The following GRIN2A variants were observed in gnomAD, a reference collection of about 807,000 sequenced individuals.
The protein encoded by GRIN2A is glutamate ionotropic receptor NMDA type subunit 2A, also known as glutamate receptor ionotropic, NMDA 2A.
A neutral mutation model predicts 113.4 loss-of-function variants in GRIN2A; 22 were observed. The ratio of observed to expected loss-of-function variants is 0.19; its 90% CI spans 0.14 to 0.28. The LOEUF is 0.28. Among genes scored for constraint, GRIN2A ranks in the 10% least tolerant of loss-of-function variants. The probability of loss-of-function intolerance (pLI) is 1.00; values close to 1 mark genes in which losing one functional copy is unlikely to be tolerated. For synonymous variants in GRIN2A, 827 were observed against 738.4 expected, an observed-to-expected ratio of 1.12 and a Z score of -1.94; for missense variants, 1,502 against 1,887.0, an observed-to-expected ratio of 0.80 and a Z score of 3.78.
intron 2 of GRIN2A, among the ~76,000 whole-genome samples, chr16:10,152,392 T>C (rs1204209109): frequency 2.0e-5 from 3 of 152,200 alleles, no homozygotes; most frequent in East Asian, 1.9e-4. Flanking sequence ...ATGGTTTATT[T>C]TTGCCAAAGT....
intron 3 of GRIN2A, among the ~76,000 whole-genome samples, chr16:9,921,888 C>A (rs2044365181): frequency 6.6e-6 from 1 of 152,346 alleles, no homozygotes; most frequent in East Asian, 1.9e-4. Context: ...TTAACCCTGT[C>A]TCTTTGGGGC....
chr16:9,769,803 C>T (rs554646361), intron 11 of GRIN2A, among the ~76,000 whole-genome samples: 1 of 152,306 alleles, frequency 6.6e-6, no homozygotes, highest in East Asian at 1.9e-4. Context: ...AAATGCCTAA[C>T]ACAGTGCCTG....
intron 11 of GRIN2A, among the ~76,000 whole-genome samples, chr16:9,773,315 G>T (rs2141163345): frequency 6.6e-6 from 1 of 152,316 alleles, no homozygotes; most frequent in East Asian, 1.9e-4. Context: ...CTTGCAGCGG[G>T]CTTGAGAGTA....
intron 10 of GRIN2A, among the ~76,000 whole-genome samples, chr16:9,805,170 G>T (rs1002566072): frequency 2.6e-5 from 4 of 152,302 alleles, no homozygotes; most frequent in Admixed American, 2.6e-4. Flanking sequence ...CCCCACAGTA[G>T]AGGCATGGAC....
intron 2 of GRIN2A, among the ~76,000 whole-genome samples, chr16:10,079,842 G>A (rs139616593): frequency 2.0e-5 from 3 of 152,330 alleles, no homozygotes; most frequent in Non-Finnish European, 4.4e-5. Context: ...GTGACAGAAA[G>A]AAGGTTGCTA....
chr16:9,851,032 C>T (rs2042874102), intron 4 of GRIN2A, among the ~76,000 whole-genome samples: 1 of 152,100 alleles, frequency 6.6e-6, no homozygotes, highest in South Asian at 2.1e-4. Context: ...AGTGCCAAAT[C>T]CAGGCTTGTC....
At chr16:9,856,416 C>T (rs554105471) in intron 4 of GRIN2A, among the ~76,000 whole-genome samples, 17 of 151,654 alleles carry the variant, frequency 1.1e-4, no homozygotes, top group East Asian at 1.9e-4. Context: ...GTCAGGAGAT[C>T]GAGACCATCC....
At chr16:9,947,328 G>T (rs764790926) in intron 2 of GRIN2A, among the ~76,000 whole-genome samples, 4 of 152,168 alleles carry the variant, frequency 2.6e-5, no homozygotes, top group Non-Finnish European at 5.9e-5. Context: ...CAAGACTTAA[G>T]ACATGACAAG....
chr16:9,948,048 C>T (rs916393343), intron 2 of GRIN2A, among the ~76,000 whole-genome samples: 18 of 152,182 alleles, frequency 1.2e-4, no homozygotes, highest in African/African-American at 4.3e-4. Flanking sequence ...CACAACTTTG[C>T]AGCACCATGG....
At chr16:10,131,722 T>G (rs538376582) in intron 2 of GRIN2A, among the ~76,000 whole-genome samples, 1 of 152,308 alleles carries the variant, frequency 6.6e-6, no homozygotes, top group South Asian at 2.1e-4. Context: ...GAAGAACATT[T>G]CATAGGCAAT....
chr16:9,906,703 C>T (rs1352558874), intron 3 of GRIN2A, among the ~76,000 whole-genome samples: 1 of 152,142 alleles, frequency 6.6e-6, no homozygotes, highest in Non-Finnish European at 1.5e-5. Context: ...CTGAAGACAC[C>T]GTTTGAGCCT....
intron 4 of GRIN2A, among the ~76,000 whole-genome samples, chr16:9,880,931 T>A (rs1288205764): frequency 6.6e-6 from 1 of 152,188 alleles, no homozygotes; most frequent in Non-Finnish European, 1.5e-5. Context: ...TACGAGCATC[T>A]CTTAGTGCCC....
intron 10 of GRIN2A, among the ~76,000 whole-genome samples, chr16:9,808,639 G>A (rs2042027473): frequency 1.3e-5 from 2 of 152,126 alleles, no homozygotes; most frequent in Admixed American, 1.3e-4. Context: ...ATTTGCCAAA[G>A]GTCACACAGC....
chr16:10,007,721 G>C (rs573092400), intron 2 of GRIN2A, among the ~76,000 whole-genome samples: 20 of 152,090 alleles, frequency 1.3e-4, no homozygotes, highest in Non-Finnish European at 2.1e-4. Flanking sequence ...TCTCGGTAAA[G>C]GGAAATAGAA....
intron 8 of GRIN2A, among the ~76,000 whole-genome samples, chr16:9,829,940 C>A (rs1353991536): frequency 6.6e-6 from 1 of 152,132 alleles, no homozygotes; most frequent in African/African-American, 2.4e-5. Flanking sequence ...AGTGTTATGA[C>A]CTGTTTTAAA....
chr16:10,160,758 T>C (rs1047766761), intron 2 of GRIN2A, among the ~76,000 whole-genome samples: 27 of 152,220 alleles, frequency 1.8e-4, no homozygotes, highest in African/African-American at 5.1e-4. Flanking sequence ...AAATGCTCAA[T>C]CGAACAGAAA....
chr16:10,002,646 G>T (rs1014625429), intron 2 of GRIN2A, among the ~76,000 whole-genome samples: 1 of 152,188 alleles, frequency 6.6e-6, no homozygotes, highest in South Asian at 2.1e-4. Flanking sequence ...TGAGATGAGC[G>T]AAGGGTTACC....
At chr16:10,114,015 T>TAA (rs367811898) in intron 2 of GRIN2A, among the ~76,000 whole-genome samples, 2 of 145,530 alleles carry the variant, frequency 1.4e-5, no homozygotes, top group African/African-American at 5.1e-5. Flanking sequence ...CCCTCGTTCT[T>TAA]AAAAAAAAAA....
intron 2 of GRIN2A, among the ~76,000 whole-genome samples, chr16:9,997,935 A>C (rs1034820889): frequency 6.6e-6 from 1 of 151,474 alleles, no homozygotes; most frequent in Non-Finnish European, 1.5e-5. Context: ...AGTCCATTAA[A>C]CCTCTTTTTC....
Sources: gnomAD v4.1 joint callset for allele counts (sites outside exome capture counted in the v4.1 genomes callset) on GRCh38, gnomAD v4.1.1 for gene constraint, MANE v1.5 for transcripts, NCBI Gene and HGNC (gene_info 2026-07-23, HGNC 2026-07-21) for gene names.